LSS: variants seen among roughly 807,000 people sequenced by gnomAD.
The protein encoded by LSS is lanosterol synthase, also known as 2,3-epoxysqualene-lanosterol cyclase.
In LSS, 90 loss-of-function variants were observed where a neutral mutation model predicts 110.3. The ratio of observed to expected loss-of-function variants is 0.82; its 90% CI spans 0.69 to 0.97. The LOEUF (loss-of-function observed/expected upper bound fraction) is 0.97, where lower values mean the gene tolerates loss of function less well. Among genes scored for constraint, LSS ranks in the 50% least tolerant of loss-of-function variants. The pLI, the probability that LSS is intolerant of heterozygous loss-of-function variation, is 0.00. For missense variants in LSS, 927 were observed against 990.0 expected (o/e 0.94, Z 0.85); for synonymous variants, 433 against 400.0 (o/e 1.08, Z -0.98).
chr21:46,198,531 A>C (rs1434361744), intron 17 of LSS, among the ~76,000 whole-genome samples: 1 of 152,124 alleles, frequency 6.6e-6, no homozygotes, highest in Non-Finnish European at 1.5e-5. Context: ...TGACAAACTG[A>C]CTCTAAAATG....
At chr21:46,192,497 G>A in intron 20 of LSS, 1 of 455,740 alleles carries the variant, frequency 2.2e-6, no homozygotes. Flanking sequence ...AGCACAGACG[G>A]GATGTTGCGG....
chr21:46,192,683 G>A (rs1288525583), intron 20 of LSS: 1 of 453,046 alleles, frequency 2.2e-6, no homozygotes, highest in Non-Finnish European at 4.4e-6. Flanking sequence ...GCATAGACCT[G>A]TGTGTGCATC....
intron 17 of LSS, among the ~76,000 whole-genome samples, chr21:46,205,020 G>A (rs1441451568): frequency 6.6e-6 from 1 of 152,136 alleles, no homozygotes; most frequent in African/African-American, 2.4e-5. Context: ...AATCGTGATA[G>A]GATAAAGAAG....
chr21:46,223,761 C>A (rs998501316), intron 3 of LSS, among the ~76,000 whole-genome samples: 2 of 152,240 alleles, frequency 1.3e-5, no homozygotes, highest in Non-Finnish European at 1.5e-5. Flanking sequence ...GACCAGAAGA[C>A]AGGAGTGCGA....
chr21:46,192,300 A>G, intron 20 of LSS: 1 of 439,550 alleles, frequency 2.3e-6, no homozygotes, highest in Non-Finnish European at 4.2e-6. Context: ...AGGAGCTCAC[A>G]CTTGCTTGCT....
chr21:46,208,127 C>T lies in LSS; in HGVS notation c.1317+124G>A, dbSNP rs1029452695. The T allele has an allele frequency of 8.6e-5, 71 of 828,924 alleles. 1 individual carries two copies. Among genetic ancestry groups the T allele is most frequent in the South Asian group, 4.8e-4 (31 of 63,964 alleles). 51.3% of individuals were successfully genotyped at this position (828,924 alleles called of 1,614,324 possible). On this transcript the variant is annotated intron_variant, in intron 14 of 21. Transcript: ENST00000397728. ...AGGCCAGGCATCCACCACAGCAGGACACCCAAAAACGCCAAGGGAGGAGTC... is the reference window on the plus strand; with the variant it reads ...AGGCCAGGCATCCACCACAGCAGGATACCCAAAAACGCCAAGGGAGGAGTC...
intron 14 of LSS, 85 bp downstream of exon 14, chr21:46,208,166 C>T (rs1312752549): frequency 7.8e-7 from 1 of 1,275,060 alleles, no homozygotes; most frequent in African/African-American, 1.5e-5. Flanking sequence ...CAGGGAGGAG[C>T]CCCCCCTTCA....
In LSS at chr21:46,208,301, C is replaced by T; in HGVS notation, c.1267G>A (p.Val423Ile). 6.4e-7 allele frequency: 1 copy of T among 1,552,668 alleles called. No homozygotes were observed. Among genetic ancestry groups the T allele is most frequent in the Non-Finnish European group, 8.7e-7 (1 of 1,147,546 alleles). ...TGGTAGTCGGGAGGGTTATCTGGGACCTGGGCAGCATCGAGGGCAAATGTG... is the reference window on the plus strand; with the variant it reads ...TGGTAGTCGGGAGGGTTATCTGGGATCTGGGCAGCATCGAGGGCAAATGTG... ...KAHEFLRLSQ[V>I]PDNPPDYQKY... Residue 423 changes from valine (V) to isoleucine (I), a missense_variant and splice_region_variant, in exon 14 of 22, where the codon GTC (valine) becomes ATC (isoleucine). Physicochemically the swap from Val to Ile is conservative, Grantham distance 29 (BLOSUM62 3). Coordinates refer to ENST00000397728, the MANE Select transcript of LSS (RefSeq NM_002340.6).
At chr21:46,193,549 GCA>G (rs2079860095) in intron 20 of LSS, 1 of 433,534 alleles carries the variant, frequency 2.3e-6, no homozygotes, top group Non-Finnish European at 4.5e-6. Flanking sequence ...TCTGTGTGTG[GCA>G]CAGATGGGAT....
At chr21:46,213,323 G>A (rs993441804) in intron 10 of LSS, among the ~76,000 whole-genome samples, 8 of 152,318 alleles carry the variant, frequency 5.3e-5, no homozygotes, top group South Asian at 2.1e-4. Flanking sequence ...CAGCCCTGCC[G>A]CCCTCGTGCA....
At position 46,201,899 on chromosome 21, in the gene LSS, G is replaced by C. The variant is rs566623955; in HGVS notation, c.1670+3937C>G. On this transcript the variant is annotated intron_variant, in intron 17 of 21. Coordinates refer to ENST00000397728, the MANE Select transcript of LSS (RefSeq NM_002340.6). ...TGCAAGCTCCACCTCCCGGGTTCAC[G>C]CCATTCTCCTGCCTCAGCCTCCCGA... Among the ~76,000 whole-genome samples the C allele has an allele frequency of 1.1e-3, 165 of 150,006 alleles. 1 individual carries two copies. The highest frequency in any genetic ancestry group is 2.9e-3 in the Admixed American group (44 of 15,076).
intron 17 of LSS, 103 bp downstream of exon 17, chr21:46,205,733 C>A: frequency 1.2e-6 from 1 of 823,734 alleles, no homozygotes. Flanking sequence ...CCATGAGTTT[C>A]GCTTCTGAGA....
intron 17 of LSS, among the ~76,000 whole-genome samples, chr21:46,204,884 C>CT (rs966794381): frequency 5.3e-5 from 8 of 152,152 alleles, no homozygotes; most frequent in African/African-American, 1.4e-4. Context: ...ACCAGCGTCT[C>CT]TTGTAACCAG....
At chr21:46,193,576 T>C (rs2079860568) in intron 20 of LSS, 1 of 430,478 alleles carries the variant, frequency 2.3e-6, no homozygotes, top group African/African-American at 2.3e-5. Context: ...TGGGTGCATC[T>C]GTACGTGTGT....
In LSS at chr21:46,222,862, T is replaced by G. The variant is rs918531457; in HGVS notation, c.320-124A>C. ...ACCTCCTTCTCATAAAAACACCCCC[T>G]GGAAAGGCCATTCCTCCCAGGCCCC... is the stretch of plus-strand genomic sequence containing the variant. On this transcript the variant is annotated intron_variant, in intron 3 of 21. Transcript: ENST00000397728. The G allele has an allele frequency of 4.3e-6, 3 of 704,662 alleles. No individual in the cohort carries two copies. The Admixed American group carries it at 7.3e-5, about 17-fold the overall frequency. 43.7% of individuals were successfully genotyped at this position (704,662 alleles called of 1,614,324 possible).
intron 11 of LSS, among the ~76,000 whole-genome samples, chr21:46,211,126 C>T (rs2123732208): frequency 6.6e-6 from 1 of 152,228 alleles, no homozygotes; most frequent in East Asian, 1.9e-4. Flanking sequence ...CTGGAAATGA[C>T]CCCATTTCTT....
chr21:46,195,821 C>T (rs532099943), intron 18 of LSS, 65 bp from the exon 19 acceptor site: 44 of 1,351,406 alleles, frequency 3.3e-5, no homozygotes, highest in East Asian at 1.6e-4. Context: ...TGAAACAACA[C>T]GCATTCTGCA....
In LSS at chr21:46,206,754, T is replaced by A; in HGVS notation, c.1482A>T (p.Arg494Ser). Reference sequence around the variant, plus strand: ...AGGTGGCGAACCCTCCATCTGGATTTCTCATGTTCAGCAGCTGAAATCACA... The same window carrying A: ...AGGTGGCGAACCCTCCATCTGGATTACTCATGTTCAGCAGCTGAAATCACA... The part of the protein sequence containing the change: ...CDAVAVLLNM[R>S]NPDGGFATYE... Residue 494 changes from arginine to serine, a missense_variant, in exon 16 of 22, where the codon AGA becomes AGT. Coordinates refer to ENST00000397728, the MANE Select transcript of LSS (RefSeq NM_002340.6). 6.2e-7 allele frequency: 1 copy of A among 1,611,916 alleles called. No homozygotes were observed. Among genetic ancestry groups the A allele is most frequent in the Non-Finnish European group, 8.5e-7 (1 of 1,179,902 alleles).
intron 3 of LSS, chr21:46,225,398 G>T: frequency 2.2e-6 from 1 of 453,338 alleles, no homozygotes; most frequent in Non-Finnish European, 4.4e-6. Flanking sequence ...GTGGTCTAGC[G>T]GTAGCGTCAG....
Sources: gnomAD v4.1 joint callset for allele counts (sites outside exome capture counted in the v4.1 genomes callset) on GRCh38, gnomAD v4.1.1 for gene constraint, MANE v1.5 for transcripts, NCBI Gene and HGNC (gene_info 2026-07-23, HGNC 2026-07-21) for gene names.